APBA2: variants seen among roughly 807,000 people sequenced by gnomAD.
APBA2 encodes the protein amyloid-beta A4 precursor protein-binding family A member 2.
A neutral mutation model predicts 75.0 loss-of-function variants in APBA2; 30 were observed. The ratio of observed to expected loss-of-function variants is 0.40; its 90% confidence interval spans 0.30 to 0.54. The LOEUF (loss-of-function observed/expected upper bound fraction) is 0.54. Ranked by LOEUF, APBA2 falls within the 20% of genes least tolerant of loss-of-function variation. The probability of loss-of-function intolerance (pLI) is 0.49; values close to 1 mark genes in which losing one functional copy is unlikely to be tolerated. For missense variants in APBA2, 801 were observed against 1,016.1 expected, an observed-to-expected ratio of 0.79 and a Z score of 2.88; for synonymous variants, 444 against 409.6, an observed-to-expected ratio of 1.08 and a Z score of -1.01.
chr15:28,899,874 A>G (rs923509314), intron 1 of APBA2, among the ~76,000 whole-genome samples: 6 of 152,216 alleles, frequency 3.9e-5, no homozygotes, highest in African/African-American at 1.4e-4. Flanking sequence ...TTATTTTGCA[A>G]AAGTACAGAT....
In APBA2 at chr15:29,117,158, C is replaced by G. The variant is rs758608321; in HGVS notation, c.*25C>G. ...GGCCACCCCAGCCTGGCCACGCAGC[C>G]AGGACACCGGGCAGGGCCGCCCGGG... is the stretch of plus-strand genomic sequence containing the variant. On this transcript the variant is annotated 3_prime_UTR_variant, in exon 15 of 15. Transcript: ENST00000683413. The G allele has an allele frequency of 7.4e-6, 12 of 1,611,602 alleles. No homozygotes were observed. The highest frequency in any genetic ancestry group is 1.0e-5 in the Non-Finnish European group (12 of 1,178,922).
chr15:28,982,955 G>A (rs1421082433), intron 2 of APBA2, among the ~76,000 whole-genome samples: 1 of 152,212 alleles, frequency 6.6e-6, no homozygotes, highest in African/African-American at 2.4e-5. Flanking sequence ...AAAACCAAAG[G>A]TAGGCTTGCA....
intron 14 of APBA2, among the ~76,000 whole-genome samples, chr15:29,114,791 T>A (rs137949053): frequency 3.7e-5 from 1 of 27,318 alleles, no homozygotes; most frequent in East Asian, 1.5e-3. Flanking sequence ...TGTGGAGGAG[T>A]GTGTGTGTGT....
In APBA2 at chr15:29,019,725, A is replaced by G. The variant is rs148036811; in HGVS notation, c.-41+23919A>G. 2.9e-3 allele frequency among the ~76,000 whole-genome samples: 436 copies of G among 152,354 alleles called. 1 individual carries two copies. Among genetic ancestry groups the G allele is most frequent in the African/African-American group, 0.01 (417 of 41,578 alleles). On this transcript the variant is annotated intron_variant, in intron 3 of 14. Transcript: ENST00000683413. The stretch of plus-strand genomic sequence containing the variant: ...AGAGGCTTCCAGGGACCGTGTGTAC[A>G]GTACTAGATACTGTTTAATGAACAC...
intron 2 of APBA2, among the ~76,000 whole-genome samples, chr15:28,971,270 C>T (rs554592181): frequency 2.6e-5 from 4 of 152,118 alleles, no homozygotes; most frequent in African/African-American, 9.6e-5. Context: ...AAGATAACAG[C>T]GCCCACCAAA....
chr15:29,108,766 C>T (rs1442946529), intron 13 of APBA2: 1 of 372,962 alleles, frequency 2.7e-6, no homozygotes, highest in African/African-American at 2.1e-5. Context: ...TTCATTCATT[C>T]ATGTACTCAT....
intron 4 of APBA2, chr15:29,070,589 A>C (rs1375014581): frequency 1.9e-5 from 3 of 158,954 alleles, no homozygotes; most frequent in Non-Finnish European, 4.2e-5. Context: ...AGAGGAGTGG[A>C]AGGAAAAGAA....
intron 2 of APBA2, among the ~76,000 whole-genome samples, chr15:28,943,996 T>C (rs1359540567): frequency 6.6e-6 from 1 of 152,136 alleles, no homozygotes; most frequent in Non-Finnish European, 1.5e-5. Context: ...GCTGGACGTT[T>C]GAACAGCCTC....
At chr15:28,908,872 C>G (rs2033278521) in intron 1 of APBA2, among the ~76,000 whole-genome samples, 1 of 152,178 alleles carries the variant, frequency 6.6e-6, no homozygotes, top group Non-Finnish European at 1.5e-5. Context: ...GTGCAACCAT[C>G]ACCGTCATCC....
At chr15:28,928,430 A>G (rs1469646444) in intron 2 of APBA2, among the ~76,000 whole-genome samples, 1 of 151,918 alleles carries the variant, frequency 6.6e-6, no homozygotes, top group Non-Finnish European at 1.5e-5. Context: ...CCCAGCTTTC[A>G]CCTGCTGTTG....
At chr15:29,107,346 T>TC (rs2044476294) in intron 12 of APBA2, among the ~76,000 whole-genome samples, 1 of 152,014 alleles carries the variant, frequency 6.6e-6, no homozygotes, top group Admixed American at 6.5e-5. Context: ...GGCAGAAGGG[T>TC]CACCGGCAGC....
chr15:29,113,195 C>T (rs996195361), intron 13 of APBA2, among the ~76,000 whole-genome samples: 15 of 152,046 alleles, frequency 9.9e-5, no homozygotes, highest in African/African-American at 2.9e-4. Context: ...TGGTCACAGG[C>T]GCTCCCAGGC....
chr15:28,985,440 C>A (rs897727790), intron 2 of APBA2, among the ~76,000 whole-genome samples: 3 of 152,178 alleles, frequency 2.0e-5, no homozygotes, highest in African/African-American at 7.2e-5. Context: ...GAAAGGAGGC[C>A]TAAGTGCTTC....
chr15:29,103,827 C>T (rs1394676044), intron 10 of APBA2, among the ~76,000 whole-genome samples: 1 of 152,222 alleles, frequency 6.6e-6, no homozygotes, highest in Non-Finnish European at 1.5e-5. Context: ...GCCCTCCGCT[C>T]TTCCCAAAGG....
chr15:29,116,973 TG>T lies in APBA2; in HGVS notation c.2179-83del, dbSNP rs1405743289. Reference sequence around the variant, plus strand: ...GAGATGGGCATTTGAAGCAGAACTCTGGGGGGTTTGCCTCTGTCCTTTGCTT... The same window carrying T: ...GAGATGGGCATTTGAAGCAGAACTCTGGGGGTTTGCCTCTGTCCTTTGCTT... On this transcript the variant is annotated intron_variant, in intron 14 of 14. Coordinates refer to ENST00000683413, the MANE Select transcript of APBA2 (RefSeq NM_001353788.2). 6.5e-6 allele frequency: 9 copies of T among 1,387,674 alleles called. No individual in the cohort carries two copies. The Admixed American group carries it at 6.7e-5, about 10-fold the overall frequency. 86.0% of individuals were successfully genotyped at this position (1,387,674 alleles called of 1,614,324 possible).
At chr15:29,088,861 C>T (rs966513520) in intron 6 of APBA2, among the ~76,000 whole-genome samples, 3 of 152,162 alleles carry the variant, frequency 2.0e-5, no homozygotes, top group African/African-American at 4.8e-5. Flanking sequence ...CCCTAGGCCT[C>T]GGCAGTCCAG....
intron 2 of APBA2, among the ~76,000 whole-genome samples, chr15:28,993,782 G>A (rs1425107094): frequency 6.6e-6 from 1 of 152,144 alleles, no homozygotes; most frequent in African/African-American, 2.4e-5. Flanking sequence ...TGGGCGATGG[G>A]CAGGTCTCCT....
At position 29,072,415 on chromosome 15, in the gene APBA2, G is replaced by T. The variant is rs139457125; in HGVS notation, c.952-2506G>T. Among the ~76,000 whole-genome samples the T allele has an allele frequency of 2.0e-5, 3 of 152,336 alleles. No homozygotes were observed. The East Asian group carries it at 5.8e-4, about 29-fold the overall frequency. On this transcript the variant is annotated intron_variant, in intron 4 of 14. Coordinates refer to ENST00000683413, the MANE Select transcript of APBA2 (RefSeq NM_001353788.2). ...ATGTCCCAAATAAGGTTTACTTTAG[G>T]AGAATGTGAGCGGCATCTGAGGCGA...
intron 4 of APBA2, among the ~76,000 whole-genome samples, chr15:29,060,315 A>G (rs2042076775): frequency 6.6e-6 from 1 of 152,206 alleles, no homozygotes; most frequent in African/African-American, 2.4e-5. Context: ...AGCTAGGGTT[A>G]GTCCCGTGTT....
Sources: gnomAD v4.1 joint callset for allele counts (sites outside exome capture counted in the v4.1 genomes callset) on GRCh38, gnomAD v4.1.1 for gene constraint, MANE v1.5 for transcripts, NCBI Gene and HGNC (gene_info 2026-07-23, HGNC 2026-07-21) for gene names.